Variants in TSPAN16 observed in about 807,000 individuals in gnomAD.
The protein encoded by TSPAN16 is tetraspanin 16.
TSPAN16 carries 23 observed loss-of-function variants against 25.2 expected under a neutral mutation model. That is an observed-to-expected ratio of 0.91 (90% CI 0.66 to 1.29). The LOEUF (loss-of-function observed/expected upper bound fraction) is 1.29, where lower values mean the gene tolerates loss of function less well. TSPAN16 is among the 50% of genes most tolerant of loss of function. The pLI, the probability that TSPAN16 is intolerant of heterozygous loss-of-function variation, is 0.00. For synonymous variants in TSPAN16, 123 were observed against 124.4 expected (o/e 0.99, Z 0.08); for missense variants, 272 against 299.9 (o/e 0.91, Z 0.69).
At position 11,296,375 on chromosome 19, in the gene TSPAN16, G is replaced by A; in HGVS notation, c.69+9G>A. 1 of 1,614,026 alleles carries A rather than the reference G, an allele frequency of 6.2e-7. No individual in the cohort carries two copies. The highest frequency in any genetic ancestry group is 8.5e-7 in the Non-Finnish European group (1 of 1,179,892). On this transcript the variant is annotated intron_variant, in intron 1 of 6. Coordinates refer to ENST00000590327, the MANE Select transcript of TSPAN16 (RefSeq NM_001282509.2). ...TCAATGGCTTCGTGGCTGTAAGTAT[G>A]TCACAATCCAGGCCCCTGGTTTGTT...
chr19:11,298,217 C>T lies in TSPAN16; in HGVS notation c.145C>T (p.Leu49=). Residue 49 remains leucine, a synonymous_variant, in exon 2 of 7, where the codon CTG becomes TTG. Coordinates refer to ENST00000590327, the MANE Select transcript of TSPAN16 (RefSeq NM_001282509.2). Reference sequence around the variant, plus strand: ...GGCCTCTCTGACGAATGTCCTCGGGCTGTCCTCCGCATACCTCCTTCACGT... The same window carrying T: ...GGCCTCTCTGACGAATGTCCTCGGGTTGTCCTCCGCATACCTCCTTCACGT... ...GGASLTNVLG[L]SSAYLLHVGN... is the part of the protein sequence containing the mutation. The T allele has an allele frequency of 6.2e-7, 1 of 1,614,170 alleles. No individual in the cohort carries two copies. The highest frequency in any genetic ancestry group is 8.5e-7 in the Non-Finnish European group (1 of 1,180,032).
At chr19:11,305,341 C>T (rs57727864) in intron 4 of TSPAN16, among the ~76,000 whole-genome samples, 1 of 151,294 alleles carries the variant, frequency 6.6e-6, no homozygotes, top group Admixed American at 6.6e-5. Context: ...ACCAGCCTGG[C>T]CAACATAGCG....
At chr19:11,316,823 T>TTG (rs2080752066), downstream of TSPAN16, among the ~76,000 whole-genome samples, 1 of 151,130 alleles carries the variant, frequency 6.6e-6, no homozygotes, top group Non-Finnish European at 1.5e-5. Flanking sequence ...TTTTTTTTTT[T>TTG]TTTTAAGATG....
In TSPAN16 at chr19:11,315,856, G is replaced by A; in HGVS notation, c.*18G>A. ...TGGGCTGACACCCAGGCCTGGAGAAGATGAGACACCTGGGCCCATCTGGCT... is the reference window on the plus strand; with the variant it reads ...TGGGCTGACACCCAGGCCTGGAGAAAATGAGACACCTGGGCCCATCTGGCT... On this transcript the variant is annotated 3_prime_UTR_variant, in exon 7 of 7. Transcript: ENST00000590327. The A allele has an allele frequency of 8.1e-7, 1 of 1,231,914 alleles. No individual in the cohort carries two copies. Among genetic ancestry groups the A allele is most frequent in the Non-Finnish European group, 1.0e-6 (1 of 987,818 alleles). The allele number at this position is 1,231,914 out of a possible 1,614,324, so 76.3% of individuals were successfully genotyped here.
In TSPAN16 at chr19:11,309,640, C is replaced by T. The variant is rs114109312; in HGVS notation, c.604-2499C>T. ...CCAGTGATCATGCTCTGTCTTCATA[C>T]CCTGTTTCTGTGTCTTTCCAGCATT... On this transcript the variant is annotated intron_variant, in intron 5 of 6. Transcript: ENST00000590327. Among the ~76,000 whole-genome samples the T allele has an allele frequency of 9.9e-3, 1,513 of 152,308 alleles. 17 individuals are homozygous for T. The highest frequency in any genetic ancestry group is 0.034 in the African/African-American group (1,403 of 41,562).
intron 5 of TSPAN16, among the ~76,000 whole-genome samples, chr19:11,310,466 G>C (rs1026231758): frequency 6.7e-6 from 1 of 149,168 alleles, no homozygotes; most frequent in Non-Finnish European, 1.5e-5. Flanking sequence ...GGTGAGCCAA[G>C]TTAGCGCCAC....
chr19:11,308,623 A>G (rs1471538766), intron 5 of TSPAN16, among the ~76,000 whole-genome samples: 6 of 152,074 alleles, frequency 3.9e-5, no homozygotes, highest in African/African-American at 1.4e-4. Flanking sequence ...GGCTCCTGCC[A>G]GCATGCCCAG....
At chr19:11,307,411 C>T (rs1168827276) in intron 5 of TSPAN16, among the ~76,000 whole-genome samples, 1 of 151,342 alleles carries the variant, frequency 6.6e-6, no homozygotes, top group Non-Finnish European at 1.5e-5. Context: ...TGAGCCACCA[C>T]ACCCGGCCTT....
At chr19:11,297,669 G>A (rs1228796372) in intron 1 of TSPAN16, among the ~76,000 whole-genome samples, 2 of 151,944 alleles carry the variant, frequency 1.3e-5, no homozygotes, top group Non-Finnish European at 2.9e-5. Flanking sequence ...GCCAATTTTT[G>A]TATTTTTAGT....
intron 5 of TSPAN16, among the ~76,000 whole-genome samples, chr19:11,310,327 A>G (rs1055068409): frequency 2.0e-5 from 3 of 151,894 alleles, no homozygotes; most frequent in African/African-American, 7.3e-5. Context: ...GGAGTTCACC[A>G]ACATGGTGAA....
chr19:11,324,400 A>T (rs1018050574), intron 6 of TSPAN16: 14 of 152,220 alleles, frequency 9.2e-5, no homozygotes, highest in African/African-American at 3.4e-4. Context: ...TACATCAGAA[A>T]GTCGCCGACA....
chr19:11,309,112 G>C (rs1018420957), intron 5 of TSPAN16, among the ~76,000 whole-genome samples: 9 of 152,108 alleles, frequency 5.9e-5, no homozygotes, highest in Admixed American at 2.0e-4. Flanking sequence ...GGGAGGCTGA[G>C]GCAGGAGGAT....
chr19:11,325,332 G>T, intron 6 of TSPAN16: 1 of 1,063,120 alleles, frequency 9.4e-7, no homozygotes, highest in African/African-American at 1.6e-5. Flanking sequence ...AACCACTGTG[G>T]CTCACGCCTC....
intron 6 of TSPAN16, among the ~76,000 whole-genome samples, chr19:11,313,615 GA>G (rs1305533426): frequency 6.6e-6 from 1 of 151,360 alleles, no homozygotes; most frequent in Non-Finnish European, 1.5e-5. Flanking sequence ...TTTATCCAAA[GA>G]AGGCATACAG....
At chr19:11,306,527 T>C (rs770510350) in intron 4 of TSPAN16, 77 bp from the exon 5 acceptor site, 1 of 1,555,516 alleles carries the variant, frequency 6.4e-7, no homozygotes. Flanking sequence ...TACTAGACGG[T>C]AGCCATGGTA....
chr19:11,299,010 T>C (rs1325714790), intron 3 of TSPAN16, 64 bp downstream of exon 3: 1 of 1,518,192 alleles, frequency 6.6e-7, no homozygotes, highest in Non-Finnish European at 9.1e-7. Context: ...ACGGGCACAG[T>C]GGCTCACGCC....
chr19:11,302,104 G>A (rs571676946), intron 4 of TSPAN16, among the ~76,000 whole-genome samples: 88 of 152,230 alleles, frequency 5.8e-4, no homozygotes, highest in African/African-American at 1.9e-3. Context: ...GATTATAGGC[G>A]TGAGCCACCG....
rs773950140 is a variant in TSPAN16 at position 11,306,636 on chromosome 19, T to C, written c.483T>C (p.Asp161=). The part of the protein sequence containing the change: ...LKCCGVNNYT[D]FSGSSFEMTT... ...GCTGTGGGGTGAATAACTACACAGA[T>C]TTTTCTGGCTCTTCCTTCGAAATGA... The change falls in exon 5 of 7, where the codon GAT becomes GAC. Residue 161 remains aspartate (D), a synonymous_variant. Coordinates refer to ENST00000590327, the MANE Select transcript of TSPAN16 (RefSeq NM_001282509.2). The C allele has an allele frequency of 1.9e-6, 3 of 1,613,726 alleles. No individual in the cohort carries two copies. Among genetic ancestry groups the C allele is most frequent in the Non-Finnish European group, 2.5e-6 (3 of 1,180,006 alleles).
downstream of TSPAN16, among the ~76,000 whole-genome samples, chr19:11,318,351 G>C (rs1387244696): frequency 6.6e-6 from 1 of 151,870 alleles, no homozygotes; most frequent in Admixed American, 6.6e-5. Flanking sequence ...TAGTAGAGAC[G>C]GGGTTTCACT....
Sources: allele counts gnomAD v4.1 joint callset (sites outside exome capture counted in the v4.1 genomes callset), GRCh38; gene constraint gnomAD v4.1.1; transcripts MANE v1.5; gene names NCBI Gene and HGNC (gene_info 2026-07-23, HGNC 2026-07-21).